NUDT4: variants seen among roughly 807,000 people sequenced by gnomAD.
NUDT4 encodes the protein diphosphoinositol polyphosphate phosphohydrolase 2.
In NUDT4, 5 loss-of-function variants were observed where a neutral mutation model predicts 23.1. The observed-to-expected ratio is 0.22, with a 90% CI of 0.11 to 0.46. NUDT4 has a LOEUF of 0.46. Ranked by LOEUF, NUDT4 falls within the 20% of genes least tolerant of loss-of-function variation. NUDT4 has a pLI of 0.99. For synonymous variants in NUDT4, 50 were observed against 79.0 expected (o/e 0.63, Z 1.95); for missense variants, 96 against 211.6 (o/e 0.45, Z 3.39).
intron 1 of NUDT4, among the ~76,000 whole-genome samples, chr12:93,385,851 CA>C (rs1262342211): frequency 9.7e-5 from 13 of 134,470 alleles, no homozygotes; most frequent in Middle Eastern, 4.1e-3. Flanking sequence ...CAAAACAAGC[CA>C]AAAAAAAACC....
chr12:93,379,985 T>C (rs776955858), intron 1 of NUDT4, among the ~76,000 whole-genome samples: 1 of 152,246 alleles, frequency 6.6e-6, no homozygotes, highest in Non-Finnish European at 1.5e-5. Context: ...AAACTTGTTA[T>C]ACATTTAATC....
chr12:93,390,534 CTT>C (rs937554653), intron 1 of NUDT4, among the ~76,000 whole-genome samples: 5 of 151,822 alleles, frequency 3.3e-5, no homozygotes, highest in African/African-American at 1.2e-4. Flanking sequence ...CTTGCATGCA[CTT>C]TTGGATTTTT....
chr12:93,395,237 C>T (rs1375848466), intron 2 of NUDT4, among the ~76,000 whole-genome samples: 1 of 152,128 alleles, frequency 6.6e-6, no homozygotes, highest in East Asian at 1.9e-4. Flanking sequence ...CCTTCTGCCT[C>T]GGCCTCCCAA....
chr12:93,378,912 G>GC (rs1218754877), intron 1 of NUDT4: 4 of 451,506 alleles, frequency 8.9e-6, no homozygotes, highest in Non-Finnish European at 8.8e-6. Context: ...CTCGTGCTTG[G>GC]AATTGAGTCT....
At chr12:93,390,608 C>T (rs1413033954) in intron 1 of NUDT4, among the ~76,000 whole-genome samples, 1 of 151,744 alleles carries the variant, frequency 6.6e-6, no homozygotes, top group Non-Finnish European at 1.5e-5. Flanking sequence ...ATGTAATAAC[C>T]CCCCCTCCCT....
chr12:93,391,339 C>G (rs1592721689), intron 1 of NUDT4, among the ~76,000 whole-genome samples: 2 of 151,834 alleles, frequency 1.3e-5, no homozygotes, highest in East Asian at 3.9e-4. Flanking sequence ...CCAAGGCAGG[C>G]AGATCACTTG....
chr12:93,386,761 C>T (rs1437888923), intron 1 of NUDT4, among the ~76,000 whole-genome samples: 1 of 151,960 alleles, frequency 6.6e-6, no homozygotes, highest in African/African-American at 2.4e-5. Flanking sequence ...ATATTTTCAT[C>T]ATTCTCAAAT....
chr12:93,394,995 C>G (rs996763289), intron 2 of NUDT4, among the ~76,000 whole-genome samples: 5 of 151,824 alleles, frequency 3.3e-5, no homozygotes, highest in Admixed American at 2.6e-4. Flanking sequence ...ATTACAGGCA[C>G]GTGCCACCGC....
chr12:93,379,081 T>A (rs1875434593), intron 1 of NUDT4, among the ~76,000 whole-genome samples: 1 of 152,178 alleles, frequency 6.6e-6, no homozygotes, highest in Non-Finnish European at 1.5e-5. Flanking sequence ...GGACTAGAGA[T>A]GGGCAAAGCT....
At chr12:93,386,107 C>A (rs1299739418) in intron 1 of NUDT4, among the ~76,000 whole-genome samples, 1 of 151,666 alleles carries the variant, frequency 6.6e-6, no homozygotes, top group Non-Finnish European at 1.5e-5. Flanking sequence ...CCCCGAGTAG[C>A]TTGGACTACA....
In NUDT4 at chr12:93,382,279, A is replaced by AC. The variant is rs1488642419; in HGVS notation, c.99+3858_99+3859insC. Among the ~76,000 whole-genome samples the AC allele has an allele frequency of 1.7e-4, 25 of 148,698 alleles. No homozygotes were observed. In the South Asian group the frequency reaches 2.4e-3, roughly 14 times the overall value. On this transcript the variant is annotated intron_variant, in intron 1 of 4. Coordinates refer to ENST00000415493, the MANE Select transcript of NUDT4 (RefSeq NM_019094.6). ...ACCCTGCCTGCAAAAAAAAAAAAAAAAACAACAAAAAAAACCACTACTCTT... is the reference window on the plus strand; with the variant it reads ...ACCCTGCCTGCAAAAAAAAAAAAAAACAACAACAAAAAAAACCACTACTCTT...
chr12:93,389,403 C>T (rs940765233), intron 1 of NUDT4, among the ~76,000 whole-genome samples: 4 of 151,344 alleles, frequency 2.6e-5, no homozygotes, highest in South Asian at 4.2e-4. Context: ...ACCGGGGAGG[C>T]GGAGGTTGCA....
chr12:93,378,676 G>GGGAA, intron 1 of NUDT4: 6 of 1,173,458 alleles, frequency 5.1e-6, no homozygotes, highest in Non-Finnish European at 6.3e-6. Flanking sequence ...CCTGGTCCCC[G>GGGAA]GGAAGGTCCC....
rs1473917045 is a variant in NUDT4, at chr12:93,404,482, T to A, written c.*5103T>A. The A allele has an allele frequency of 6.6e-6, 1 of 152,246 alleles. No individual in the cohort carries two copies. The highest frequency in any genetic ancestry group is 2.4e-5 in the African/African-American group (1 of 41,474). The allele number at this position is 152,246 out of a possible 1,614,324, so 9.4% of individuals were successfully genotyped here. ...AACAGTTCCACTCCTGGGAGTCTAG[T>A]CAACAAATGGACAAGTTGCACAACC... On this transcript the variant is annotated 3_prime_UTR_variant, in exon 5 of 5. Coordinates refer to ENST00000415493, the MANE Select transcript of NUDT4 (RefSeq NM_019094.6).
rs2121038259 is a variant in NUDT4, at chr12:93,406,311, C to A, written c.*6932C>A. On this transcript the variant is annotated 3_prime_UTR_variant, in exon 5 of 5. Transcript: ENST00000415493. ...AAAAAAAAAAAAAAAAAAAAGGTTC[C>A]TGAACCATTCAACAGAAAAATGAGG... is the stretch of plus-strand genomic sequence containing the variant. 1 of 119,160 alleles carries A rather than the reference C, an allele frequency of 8.4e-6. No individual in the cohort carries two copies. Among genetic ancestry groups the A allele is most frequent in the South Asian group, 2.7e-4 (1 of 3,714 alleles). The allele number at this position is 119,160 out of a possible 1,614,324, so 7.4% of individuals were successfully genotyped here.
chr12:93,398,294 TC>T (rs1181902849), intron 3 of NUDT4, among the ~76,000 whole-genome samples: 1 of 132,700 alleles, frequency 7.5e-6, no homozygotes, highest in Non-Finnish European at 1.5e-5. Context: ...GGAGCTGAGA[TC>T]ACGCCACTGT....
chr12:93,404,026 C>G lies in NUDT4; in HGVS notation c.*4647C>G, dbSNP rs1160331729. The G allele has an allele frequency of 6.6e-6, 1 of 152,198 alleles. No individual in the cohort carries two copies. The highest frequency in any genetic ancestry group is 1.9e-4 in the East Asian group (1 of 5,206). 9.4% of individuals were successfully genotyped at this position (152,198 alleles called of 1,614,324 possible). On this transcript the variant is annotated 3_prime_UTR_variant, in exon 5 of 5. Coordinates refer to ENST00000415493, the MANE Select transcript of NUDT4 (RefSeq NM_019094.6). ...CTTAATGCATTTTTGTAACATTTGA[C>G]AAACATCTCCCAATATGTAGACTCC...
Position 93,407,553 on chromosome 12 carries a change from CT to C in NUDT4, c.*8176del, listed in dbSNP as rs1877885975. 6.6e-6 allele frequency: 1 copy of C among 152,224 alleles called. No individual in the cohort carries two copies. The highest frequency in any genetic ancestry group is 2.4e-5 in the African/African-American group (1 of 41,452). 9.4% of individuals were successfully genotyped at this position (152,224 alleles called of 1,614,324 possible). A position where few individuals can be genotyped will look rare whatever the true frequency, so the allele number is the denominator to read the frequency against. On this transcript the variant is annotated 3_prime_UTR_variant, in exon 5 of 5. Transcript: ENST00000415493. ...ACTGGTGAGAAGACAATGACATGCT[CT>C]TAGGGTGTCTGCTACTCAGATCCTC...
At position 93,407,387 on chromosome 12, in the gene NUDT4, C is replaced by T. The variant is rs747403274; in HGVS notation, c.*8008C>T. On this transcript the variant is annotated 3_prime_UTR_variant, in exon 5 of 5. Coordinates refer to ENST00000415493, the MANE Select transcript of NUDT4 (RefSeq NM_019094.6). ...TGCCATTCACTCACCACCTAATCAT[C>T]CCCAACAACTAGTGGGCAAACATGA... is the stretch of plus-strand genomic sequence containing the variant. 3 of 152,232 alleles carry T rather than the reference C, an allele frequency of 2.0e-5. No homozygotes were observed. The highest frequency in any genetic ancestry group is 4.4e-5 in the Non-Finnish European group (3 of 68,056). 9.4% of individuals were successfully genotyped at this position (152,232 alleles called of 1,614,324 possible). A position where few individuals can be genotyped will look rare whatever the true frequency, so the allele number is the denominator to read the frequency against.
Sources: allele counts gnomAD v4.1 joint callset (sites outside exome capture counted in the v4.1 genomes callset), GRCh38; gene constraint gnomAD v4.1.1; transcripts MANE v1.5; gene names NCBI Gene and HGNC (gene_info 2026-07-23, HGNC 2026-07-21).